BORA: variants seen among roughly 807,000 people sequenced by gnomAD.
BORA encodes protein aurora borealis.
BORA carries 26 observed loss-of-function variants against 55.8 expected under a neutral mutation model. The ratio of observed to expected loss-of-function variants is 0.47; its 90% CI spans 0.34 to 0.65. BORA has a LOEUF of 0.65. Among genes scored for constraint, BORA ranks in the 30% least tolerant of loss-of-function variants. BORA has a pLI of 0.01. For synonymous variants in BORA, 201 were observed against 216.9 expected (o/e 0.93, Z 0.64); for missense variants, 568 against 671.5 (o/e 0.85, Z 1.70).
chr13:72,740,055 A>G (rs1169991691), intron 5 of BORA, among the ~76,000 whole-genome samples: 4 of 152,090 alleles, frequency 2.6e-5, no homozygotes, highest in Non-Finnish European at 5.9e-5. Context: ...TAGATGGCCC[A>G]TAGGGAGGTG....
chr13:72,744,070 C>A (rs888248746), intron 6 of BORA, among the ~76,000 whole-genome samples: 31 of 152,138 alleles, frequency 2.0e-4, no homozygotes, highest in African/African-American at 6.5e-4. Context: ...ACATAATAAC[C>A]ATATGAGAGC....
chr13:72,735,102 C>G, intron 4 of BORA, 97 bp downstream of exon 4: 2 of 934,718 alleles, frequency 2.1e-6, no homozygotes, highest in Middle Eastern at 4.3e-4. Flanking sequence ...CCTTCACTGT[C>G]CTATCTCCCC....
chr13:72,734,964 G>C lies in BORA; in HGVS notation c.265G>C (p.Asp89His), dbSNP rs1453016486. Reference sequence around the variant, plus strand: ...TTCTTCTTTATCTTTGTATAGAATAGATAAAGATGTGGAAGACAAAAGACA... The same window carrying C: ...TTCTTCTTTATCTTTGTATAGAATACATAAAGATGTGGAAGACAAAAGACA... ...QALYLSHSRI[D>H]KDVEDKRQKA... is the part of the protein sequence containing the mutation. Residue 89 changes from aspartate to histidine, a missense_variant, in exon 4 of 12, where the codon GAT (aspartate) becomes CAT (histidine). Transcript: ENST00000390667. 6.3e-7 allele frequency: 1 copy of C among 1,577,388 alleles called. No homozygotes were observed. Among genetic ancestry groups the C allele is most frequent in the Non-Finnish European group, 8.7e-7 (1 of 1,148,300 alleles).
Position 72,727,985 on chromosome 13 carries a change from G to A in BORA, c.-38G>A. 6.5e-7 allele frequency: 1 copy of A among 1,548,220 alleles called. No homozygotes were observed. The highest frequency in any genetic ancestry group is 8.7e-7 in the Non-Finnish European group (1 of 1,146,462). ...CCGGAGCTCCCTGGAGTCGGTACTG[G>A]GGGCTTCGTTTTGTACGCACCGGTA... is the stretch of plus-strand genomic sequence containing the variant. On this transcript the variant is annotated 5_prime_UTR_variant, in exon 1 of 12. An upstream open reading frame in the 5' UTR gains an earlier in-frame stop. Transcript: ENST00000390667.
At chr13:72,738,110 G>C (rs1164866794) in intron 5 of BORA, 67 bp downstream of exon 5, 2 of 1,131,566 alleles carry the variant, frequency 1.8e-6, no homozygotes, top group Admixed American at 3.8e-5. Flanking sequence ...AACATATCAT[G>C]AAGTGCCAGT....
At chr13:72,745,906 A>T (rs370489763) in intron 8 of BORA, 38 bp from the exon 9 acceptor site, 1 of 1,559,244 alleles carries the variant, frequency 6.4e-7, no homozygotes, top group Non-Finnish European at 8.7e-7. Context: ...TAAGGAAGAG[A>T]ACCATATACA....
At chr13:72,733,842 G>GA (rs1200676973) in intron 3 of BORA, among the ~76,000 whole-genome samples, 3 of 152,072 alleles carry the variant, frequency 2.0e-5, no homozygotes, top group Non-Finnish European at 4.4e-5. Flanking sequence ...GTCTATATGT[G>GA]AAAAAAATTC....
intron 5 of BORA, among the ~76,000 whole-genome samples, chr13:72,741,746 T>C (rs745439882): frequency 6.6e-6 from 1 of 152,148 alleles, no homozygotes; most frequent in African/African-American, 2.4e-5. Flanking sequence ...GGTGTCTTTC[T>C]GGTCTGAGGA....
rs548724244 is a variant in BORA at position 72,738,875 on chromosome 13, C to A, written c.388+832C>A. 2.6e-5 allele frequency among the ~76,000 whole-genome samples: 4 copies of A among 152,134 alleles called. No homozygotes were observed. The East Asian group carries it at 7.7e-4, about 29-fold the overall frequency. ...TGGCCCCATTTTATAGGTAAGAAAA[C>A]CTAGTTTTAGAAAGATGAGAGCATT... On this transcript the variant is annotated intron_variant, in intron 5 of 11. Transcript: ENST00000390667.
At position 72,755,993 on chromosome 13, in the gene BORA, G is replaced by C; in HGVS notation, c.*777G>C. 1 of 398,552 alleles carries C rather than the reference G, an allele frequency of 2.5e-6. No individual in the cohort carries two copies. Among genetic ancestry groups the C allele is most frequent in the Non-Finnish European group, 4.4e-6 (1 of 226,050 alleles). 24.7% of individuals were successfully genotyped at this position (398,552 alleles called of 1,614,324 possible). ...GTGGGGCTGGGAGAGTGGAGTTCCCGTAGGGCATAGGCCTGTGAAGTAACA... is the reference window on the plus strand; with the variant it reads ...GTGGGGCTGGGAGAGTGGAGTTCCCCTAGGGCATAGGCCTGTGAAGTAACA... On this transcript the variant is annotated 3_prime_UTR_variant, in exon 12 of 12. Transcript: ENST00000390667.
intron 7 of BORA, 98 bp downstream of exon 7, chr13:72,744,659 C>G (rs2033105525): frequency 1.1e-6 from 1 of 907,334 alleles, no homozygotes; most frequent in Admixed American, 2.4e-5. Flanking sequence ...TGTGGCAGTG[C>G]CTCTTTCTAA....
At chr13:72,735,826 C>T (rs1224418612) in intron 4 of BORA, among the ~76,000 whole-genome samples, 1 of 152,142 alleles carries the variant, frequency 6.6e-6, no homozygotes, top group African/African-American at 2.4e-5. Context: ...TCAAGCTGGT[C>T]TCGAACTCCC....
At chr13:72,744,459 G>A (rs372196013) in intron 6 of BORA, 46 bp from the exon 7 acceptor site, 37 of 1,517,234 alleles carry the variant, frequency 2.4e-5, no homozygotes, top group Non-Finnish European at 3.3e-5. Context: ...TACTTTCATT[G>A]ATTTATCCCA....
chr13:72,743,113 T>C (rs552790587), intron 5 of BORA, among the ~76,000 whole-genome samples: 27 of 152,284 alleles, frequency 1.8e-4, no homozygotes, highest in African/African-American at 5.8e-4. Flanking sequence ...TAACTATAGC[T>C]GATAATGAGG....
chr13:72,745,304 C>A, intron 8 of BORA, 97 bp downstream of exon 8: 1 of 1,029,276 alleles, frequency 9.7e-7, no homozygotes, highest in Non-Finnish European at 1.4e-6. Flanking sequence ...AGCCTGAAGC[C>A]ATGGTTGCTT....
At chr13:72,746,391 T>C in intron 9 of BORA, 110 bp from the exon 10 acceptor site, 1 of 1,267,510 alleles carries the variant, frequency 7.9e-7, no homozygotes, top group Non-Finnish European at 1.1e-6. Context: ...ACAACACAAC[T>C]GTTACAGAAA....
At chr13:72,751,439 T>TA (rs1045583519) in intron 10 of BORA, among the ~76,000 whole-genome samples, 1 of 152,162 alleles carries the variant, frequency 6.6e-6, no homozygotes, top group Non-Finnish European at 1.5e-5. Flanking sequence ...ATGAAGTCCT[T>TA]ACATTTGCAG....
chr13:72,727,927 A>C lies in BORA; in HGVS notation c.-96A>C. 6.4e-7 allele frequency: 1 copy of C among 1,550,602 alleles called. No homozygotes were observed. The highest frequency in any genetic ancestry group is 8.7e-7 in the Non-Finnish European group (1 of 1,147,000). ...ACAGCGCGGAAGCGGGGAGTTAAAG[A>C]GTCTATGCCTGTCGTGGAAGCTGGC... On this transcript the variant is annotated 5_prime_UTR_variant, in exon 1 of 12. Transcript: ENST00000390667.
At chr13:72,750,833 G>C (rs2033256389) in intron 10 of BORA, among the ~76,000 whole-genome samples, 1 of 152,050 alleles carries the variant, frequency 6.6e-6, no homozygotes, top group African/African-American at 2.4e-5. Context: ...AGGGAACTGA[G>C]GCATGCAAGA....
Sources: gnomAD v4.1 joint callset for allele counts (sites outside exome capture counted in the v4.1 genomes callset) on GRCh38, gnomAD v4.1.1 for gene constraint, MANE v1.5 for transcripts, NCBI Gene and HGNC (gene_info 2026-07-23, HGNC 2026-07-21) for gene names.